GSG1L: variants seen among roughly 807,000 people sequenced by gnomAD.
GSG1L encodes GSG1 like, also known as germ cell-specific gene 1-like protein.
GSG1L carries 24 observed loss-of-function variants against 42.1 expected under a neutral mutation model. The observed-to-expected ratio is 0.57, with a 90% CI of 0.41 to 0.80. The LOEUF is 0.80. Among genes scored for constraint, GSG1L ranks in the 30% least tolerant of loss-of-function variants. The pLI is 0.00. For missense variants in GSG1L, 445 were observed against 472.2 expected (o/e 0.94, Z 0.53); for synonymous variants, 215 against 203.5 (o/e 1.06, Z -0.48).
At chr16:27,897,780 C>G (rs1401805928) in intron 2 of GSG1L, among the ~76,000 whole-genome samples, 8 of 152,300 alleles carry the variant, frequency 5.3e-5, no homozygotes, top group African/African-American at 1.9e-4. Flanking sequence ...TGGATTTGAC[C>G]TTGGCCTTTT....
At chr16:28,008,647 C>T (rs906470505) in intron 1 of GSG1L, among the ~76,000 whole-genome samples, 3 of 152,194 alleles carry the variant, frequency 2.0e-5, no homozygotes, top group African/African-American at 7.2e-5. Context: ...CCCTTCCTGC[C>T]CACCAAGGAC....
intron 3 of GSG1L, among the ~76,000 whole-genome samples, chr16:27,870,069 A>C (rs1282657696): frequency 1.2e-3 from 109 of 88,286 alleles, no homozygotes; most frequent in East Asian, 1.8e-3. Flanking sequence ...GCCTCTCTCC[A>C]TCTCTCTTTC....
At chr16:28,021,927 C>T (rs2085848542) in intron 1 of GSG1L, among the ~76,000 whole-genome samples, 1 of 152,238 alleles carries the variant, frequency 6.6e-6, no homozygotes, top group Admixed American at 6.5e-5. Context: ...AGCATGGTGC[C>T]TGACTTCCCT....
At chr16:27,814,248 A>C (rs1452580166) in intron 5 of GSG1L, among the ~76,000 whole-genome samples, 1 of 152,114 alleles carries the variant, frequency 6.6e-6, no homozygotes, top group African/African-American at 2.4e-5. Context: ...AGCAGCTGGG[A>C]CTACAGGCAC....
At chr16:27,833,381 G>T (rs1181809247) in intron 4 of GSG1L, among the ~76,000 whole-genome samples, 1 of 151,936 alleles carries the variant, frequency 6.6e-6, no homozygotes, top group Non-Finnish European at 1.5e-5. Context: ...ATATCACACA[G>T]TCTGGAGTAT....
intron 2 of GSG1L, among the ~76,000 whole-genome samples, chr16:27,930,051 T>C (rs999565577): frequency 4.6e-5 from 7 of 152,002 alleles, no homozygotes; most frequent in Admixed American, 4.6e-4. Flanking sequence ...TGCAGCCCCA[T>C]CTCCACCTTT....
chr16:27,860,038 C>G (rs2083625715), intron 3 of GSG1L, among the ~76,000 whole-genome samples: 2 of 142,000 alleles, frequency 1.4e-5, no homozygotes, highest in South Asian at 4.6e-4. Context: ...CCAGCAGGGG[C>G]TCCCTCTGGC....
At chr16:27,869,463 CTCTG>C (rs1327180663) in intron 3 of GSG1L, among the ~76,000 whole-genome samples, 3 of 151,302 alleles carry the variant, frequency 2.0e-5, no homozygotes, top group Non-Finnish European at 2.9e-5. Context: ...GCTTCTCTCT[CTCTG>C]TCTCCCTCCA....
At chr16:27,973,978 AT>A (rs2085224400) in intron 1 of GSG1L, among the ~76,000 whole-genome samples, 2 of 151,884 alleles carry the variant, frequency 1.3e-5, no homozygotes, top group African/African-American at 4.8e-5. Context: ...GAACGGCCTC[AT>A]TTTTGCCCCT....
In GSG1L at chr16:27,947,601, A is replaced by AAAGAAAG. The variant is rs1411167304; in HGVS notation, c.397+15554_397+15555insCTTTCTT. Among the ~76,000 whole-genome samples the AAAGAAAG allele has an allele frequency of 1.5e-3, 189 of 127,104 alleles. 2 individuals carry two copies. The highest frequency in any genetic ancestry group is 3.3e-3 in the African/African-American group (112 of 33,736). 83.4% of individuals were successfully genotyped at this position (127,104 alleles called of 152,430 possible). A position where few individuals can be genotyped will look rare whatever the true frequency, so the allele number is the denominator to read the frequency against. ...AGAAAGAAAGAAAGAAAGAAAGAAA[A>AAAGAAAG]AGAAAGAAAGAAAAAGAAAAGTTCT... On this transcript the variant is annotated intron_variant, in intron 2 of 6. Coordinates refer to ENST00000447459, the MANE Select transcript of GSG1L (RefSeq NM_001109763.2).
intron 3 of GSG1L, among the ~76,000 whole-genome samples, chr16:27,864,365 T>C (rs2083691034): frequency 6.6e-6 from 1 of 152,134 alleles, no homozygotes; most frequent in Non-Finnish European, 1.5e-5. Flanking sequence ...AAGGATGCTA[T>C]CAAGGCAAAA....
At chr16:28,048,044 C>T (rs1028054070) in intron 1 of GSG1L, among the ~76,000 whole-genome samples, 1 of 149,122 alleles carries the variant, frequency 6.7e-6, no homozygotes, top group Non-Finnish European at 1.5e-5. Flanking sequence ...CATAGTAACA[C>T]CTCATCTTTA....
At chr16:27,951,619 C>T (rs2084951528) in intron 2 of GSG1L, among the ~76,000 whole-genome samples, 2 of 152,134 alleles carry the variant, frequency 1.3e-5, no homozygotes, top group Admixed American at 1.3e-4. Flanking sequence ...AAAAGATGCT[C>T]TAGCCACCTG....
intron 3 of GSG1L, among the ~76,000 whole-genome samples, chr16:27,865,560 TATATATATATATAC>T (rs1442559870): frequency 0.012 from 337 of 27,274 alleles, 29 homozygotes; most frequent in Admixed American, 0.018. Context: ...TATATATATA[TATATATATATATAC>T]ACACACACAT....
At chr16:27,996,507 C>G (rs914216310) in intron 1 of GSG1L, among the ~76,000 whole-genome samples, 1 of 79,374 alleles carries the variant, frequency 1.3e-5, no homozygotes, top group Non-Finnish European at 3.1e-5. Context: ...ATGAACAAGG[C>G]TACTCTCTCT....
chr16:28,052,157 T>C (rs2086228367), intron 1 of GSG1L, among the ~76,000 whole-genome samples: 1 of 151,520 alleles, frequency 6.6e-6, no homozygotes, highest in Admixed American at 6.6e-5. Context: ...GCCTGAGAAA[T>C]TGGAAAGATG....
chr16:27,906,978 C>T (rs1215594696), intron 2 of GSG1L, among the ~76,000 whole-genome samples: 1 of 152,156 alleles, frequency 6.6e-6, no homozygotes, highest in Non-Finnish European at 1.5e-5. Context: ...TTCCAGAGAC[C>T]ACCACTACCC....
chr16:27,994,274 G>A (rs2085489475), intron 1 of GSG1L, among the ~76,000 whole-genome samples: 1 of 151,992 alleles, frequency 6.6e-6, no homozygotes, highest in Admixed American at 6.6e-5. Flanking sequence ...GATGGGGCTG[G>A]GCCAGTGTTT....
At chr16:27,861,542 G>A (rs1486729791) in intron 3 of GSG1L, among the ~76,000 whole-genome samples, 2 of 152,122 alleles carry the variant, frequency 1.3e-5, no homozygotes, top group African/African-American at 4.8e-5. Context: ...GCAAGTGTGG[G>A]CAAAATTTAT....
Sources: allele counts gnomAD v4.1 joint callset (sites outside exome capture counted in the v4.1 genomes callset), GRCh38; gene constraint gnomAD v4.1.1; transcripts MANE v1.5; gene names NCBI Gene and HGNC (gene_info 2026-07-23, HGNC 2026-07-21).